The following SLC30A9 variants were observed in gnomAD, a reference collection of about 807,000 sequenced individuals.
SLC30A9 encodes the protein solute carrier family 30 member 9, also known as proton-coupled zinc antiporter SLC30A9, mitochondrial.
SLC30A9 carries 58 observed loss-of-function variants against 87.5 expected under a neutral mutation model. That is an observed-to-expected ratio of 0.66 (90% CI 0.54 to 0.82). The LOEUF (loss-of-function observed/expected upper bound fraction) is 0.82. Among genes scored for constraint, SLC30A9 ranks in the 40% least tolerant of loss-of-function variants. The probability of loss-of-function intolerance (pLI) is 0.00; values close to 1 mark genes in which losing one functional copy is unlikely to be tolerated. For missense variants in SLC30A9, 557 were observed against 679.1 expected (o/e 0.82, Z 2.00); for synonymous variants, 234 against 233.0 (o/e 1.00, Z -0.04).
chr4:42,049,214 C>T (rs1192324489), intron 8 of SLC30A9, among the ~76,000 whole-genome samples, 163 bp from the exon 9 acceptor site: 1 of 152,178 alleles, frequency 6.6e-6, no homozygotes, highest in Non-Finnish European at 1.5e-5. Flanking sequence ...CATCCTCCCA[C>T]CTCAGCCTCC....
At chr4:42,043,659 A>G (rs1229399112) in intron 8 of SLC30A9, among the ~76,000 whole-genome samples, 2 of 152,252 alleles carry the variant, frequency 1.3e-5, no homozygotes, top group Admixed American at 6.5e-5. Context: ...GAGATTATCC[A>G]GGAGAACTTC....
Position 42,022,839 on chromosome 4 carries a change from G to A in SLC30A9, c.436G>A (p.Asp146Asn). Residue 146 changes from aspartate (D) to asparagine (N), a missense_variant and splice_region_variant, in exon 5 of 18, where the codon GAT (aspartate) becomes AAT (asparagine). By Grantham distance (23) the Asp-to-Asn change is conservative. This residue lies in a region of SLC30A9 where 467 missense variants were observed against 529.8 expected (regional missense o/e 0.88). Coordinates refer to ENST00000264451, the MANE Select transcript of SLC30A9 (RefSeq NM_006345.4). Reference sequence around the variant, plus strand: ...AATTCAACATGTTTCTTTCTCTAGTGATCTAGAACAACTTCGAAAAATCAG... The same window carrying A: ...AATTCAACATGTTTCTTTCTCTAGTAATCTAGAACAACTTCGAAAAATCAG... ...AINEFCLKSS[D>N]LEQLRKIRRR... The A allele has an allele frequency of 1.9e-6, 3 of 1,574,334 alleles. No individual in the cohort carries two copies. The highest frequency in any genetic ancestry group is 2.6e-6 in the Non-Finnish European group (3 of 1,150,468).
chr4:42,001,191 T>A (rs1038430765), intron 1 of SLC30A9, among the ~76,000 whole-genome samples: 3 of 152,052 alleles, frequency 2.0e-5, no homozygotes, highest in Admixed American at 2.0e-4. Context: ...ATTAATATAA[T>A]TCACTTGATT....
At chr4:42,011,616 A>G (rs1028381189) in intron 2 of SLC30A9, among the ~76,000 whole-genome samples, 6 of 152,236 alleles carry the variant, frequency 3.9e-5, no homozygotes, top group Non-Finnish European at 7.3e-5. Flanking sequence ...GGTGAACTCT[A>G]AAATTTCAAA....
chr4:42,080,312 G>A (rs1324488615), intron 17 of SLC30A9, among the ~76,000 whole-genome samples: 1 of 152,142 alleles, frequency 6.6e-6, no homozygotes, highest in Non-Finnish European at 1.5e-5. Context: ...AGGACTCTTA[G>A]AACTCACCGA....
chr4:42,063,155 C>T, intron 11 of SLC30A9, 34 bp downstream of exon 11: 1 of 1,600,756 alleles, frequency 6.2e-7, no homozygotes, highest in Non-Finnish European at 8.5e-7. Context: ...GTTTTGATGT[C>T]TTATGACATA....
chr4:42,082,722 C>G (rs1318373351), intron 17 of SLC30A9, among the ~76,000 whole-genome samples: 2 of 152,106 alleles, frequency 1.3e-5, no homozygotes, highest in East Asian at 3.9e-4. Context: ...GTGGCGGGCC[C>G]TTCTAGTCCC....
At chr4:42,025,869 G>T (rs1344997531) in intron 6 of SLC30A9, among the ~76,000 whole-genome samples, 1 of 152,054 alleles carries the variant, frequency 6.6e-6, no homozygotes, top group Non-Finnish European at 1.5e-5. Context: ...GTTTCACCGT[G>T]GTCTCGATCT....
intron 10 of SLC30A9, among the ~76,000 whole-genome samples, chr4:42,060,851 T>C (rs1717819193): frequency 6.6e-6 from 1 of 152,144 alleles, no homozygotes; most frequent in Non-Finnish European, 1.5e-5. Context: ...TTGATAAATC[T>C]TAAGACCAAA....
rs988077006 is a variant in SLC30A9, at chr4:42,088,770, A to G, written c.*2644A>G. On this transcript the variant is annotated 3_prime_UTR_variant, in exon 18 of 18. Coordinates refer to ENST00000264451, the MANE Select transcript of SLC30A9 (RefSeq NM_006345.4). ...GCCCTACCTCCAACATGGGATTACA[A>G]TTCGACATGAGATTTGGTGGGGACA... is the stretch of plus-strand genomic sequence containing the variant. 6.6e-6 allele frequency: 1 copy of G among 152,170 alleles called. No homozygotes were observed. The highest frequency in any genetic ancestry group is 2.4e-5 in the African/African-American group (1 of 41,410). 9.4% of individuals were successfully genotyped at this position (152,170 alleles called of 1,614,324 possible). A position where few individuals can be genotyped will look rare whatever the true frequency, so the allele number is the denominator to read the frequency against.
chr4:42,059,953 A>AT lies in SLC30A9; in HGVS notation c.841-230dup, dbSNP rs553998718. Among the ~76,000 whole-genome samples, 191 of 151,864 alleles carry AT rather than the reference A, an allele frequency of 1.3e-3. 1 individual carries two copies. The highest frequency in any genetic ancestry group is 4.3e-3 in the African/African-American group (178 of 41,430). ...TTATTTTGTCATTCCCAATTGATGGATTTTTTTTAGGTTGCTTTCATGTTT... is the reference window on the plus strand; with the variant it reads ...TTATTTTGTCATTCCCAATTGATGGATTTTTTTTTAGGTTGCTTTCATGTTT... On this transcript the variant is annotated intron_variant, in intron 9 of 17. Coordinates refer to ENST00000264451, the MANE Select transcript of SLC30A9 (RefSeq NM_006345.4).
chr4:42,076,758 T>C (rs1033131876), intron 16 of SLC30A9, among the ~76,000 whole-genome samples: 48 of 151,896 alleles, frequency 3.2e-4, no homozygotes, highest in Non-Finnish European at 5.9e-5. Context: ...GGTCAAGAGA[T>C]CGATCCCATC....
intron 1 of SLC30A9, among the ~76,000 whole-genome samples, chr4:41,992,210 C>T (rs1042447163): frequency 6.6e-6 from 1 of 151,434 alleles, no homozygotes; most frequent in Non-Finnish European, 1.5e-5. Context: ...TGGTGACGCG[C>T]GCCTGTAATC....
At chr4:42,074,612 T>C (rs538738454) in intron 15 of SLC30A9, among the ~76,000 whole-genome samples, 92 of 152,302 alleles carry the variant, frequency 6.0e-4, no homozygotes, top group African/African-American at 2.1e-3. Flanking sequence ...CCTAATCTGC[T>C]GTTTACTAGC....
rs1322122126 is a variant in SLC30A9, at chr4:42,018,131, C to G, written c.295C>G (p.Leu99Val). The G allele has an allele frequency of 6.4e-7, 1 of 1,564,174 alleles. No homozygotes were observed. Among genetic ancestry groups the G allele is most frequent in the Non-Finnish European group, 8.8e-7 (1 of 1,138,006 alleles). Residue 99 changes from leucine to valine, a missense_variant, in exon 3 of 18, where the codon CTC becomes GTC. Leu to Val is a conservative substitution (Grantham distance 32). Transcript: ENST00000264451. ...TACAGCAGAAGGTATAGGCACAGAA[C>G]TCAAAGCTCCACTTAAGCAAGAACC... ...FETAEGIGTE[L>V]KAPLKQEPLQ...
chr4:42,068,917 A>G lies in SLC30A9; in HGVS notation c.1253-1609A>G, dbSNP rs933822198. Among the ~76,000 whole-genome samples the G allele has an allele frequency of 3.3e-5, 5 of 152,222 alleles. No individual in the cohort carries two copies. The South Asian group carries it at 1.0e-3, about 31-fold the overall frequency. On this transcript the variant is annotated intron_variant, in intron 14 of 17. Coordinates refer to ENST00000264451, the MANE Select transcript of SLC30A9 (RefSeq NM_006345.4). ...TCTCTTGGAAAGGAACTTCTTCCAT[A>G]CTTCTCTATTTGTCCTTACATATTT... is the stretch of plus-strand genomic sequence containing the variant.
At chr4:42,029,360 T>A in intron 6 of SLC30A9, 2 of 582,638 alleles carry the variant, frequency 3.4e-6, no homozygotes, top group Admixed American at 2.0e-5. Flanking sequence ...GGCATCTTCA[T>A]CGGAATGATC....
rs1338960946 is a variant in SLC30A9 at position 42,087,355 on chromosome 4, A to G, written c.*1229A>G. On this transcript the variant is annotated 3_prime_UTR_variant, in exon 18 of 18. Transcript: ENST00000264451. ...GTTCAGGTAGCAGTGAGCATTGTTC[A>G]TATGAGAATGGCGGCTGGGTGATCT... The G allele has an allele frequency of 1.3e-5, 2 of 152,222 alleles. No homozygotes were observed. Among genetic ancestry groups the G allele is most frequent in the Non-Finnish European group, 2.9e-5 (2 of 68,036 alleles). The allele number at this position is 152,222 out of a possible 1,614,324, so 9.4% of individuals were successfully genotyped here.
chr4:42,081,879 A>C (rs182735501), intron 17 of SLC30A9, among the ~76,000 whole-genome samples: 83 of 152,344 alleles, frequency 5.4e-4, no homozygotes, highest in African/African-American at 1.9e-3. Flanking sequence ...CAGGAAGGTA[A>C]GTATAATCCA....
Sources: allele counts gnomAD v4.1 joint callset (sites outside exome capture counted in the v4.1 genomes callset), GRCh38; gene constraint gnomAD v4.1.1; regional missense constraint gnomAD v4.1.1; transcripts MANE v1.5; gene names NCBI Gene and HGNC (gene_info 2026-07-23, HGNC 2026-07-21).